RBKS: variants seen among roughly 807,000 people sequenced by gnomAD.
RBKS encodes the protein ribokinase.
RBKS carries 33 observed loss-of-function variants against 33.9 expected under a neutral mutation model. The ratio of observed to expected loss-of-function variants is 0.97; its 90% confidence interval spans 0.74 to 1.30. RBKS has a LOEUF of 1.30. Ranked by LOEUF, RBKS falls within the 50% of genes most tolerant of loss-of-function variation. RBKS has a pLI of 0.00. For synonymous variants in RBKS, 125 were observed against 143.0 expected (o/e 0.87, Z 0.90); for missense variants, 361 against 392.6 (o/e 0.92, Z 0.68).
chr2:27,857,809 G>A (rs1663888227), intron 2 of RBKS, among the ~76,000 whole-genome samples: 1 of 152,186 alleles, frequency 6.6e-6, no homozygotes. Flanking sequence ...GTAGAAATTA[G>A]TATAAAGGAC....
Position 27,842,882 on chromosome 2 carries a change from T to C in RBKS, c.514+185A>G, listed in dbSNP as rs143292973. Among the ~76,000 whole-genome samples, 543 of 152,258 alleles carry C rather than the reference T, an allele frequency of 3.6e-3. 1 individual carries two copies. The highest frequency in any genetic ancestry group is 0.012 in the African/African-American group (516 of 41,552). On this transcript the variant is annotated intron_variant, in intron 5 of 7. Transcript: ENST00000302188. Reference sequence around the variant, plus strand: ...GATATCGGAAATGCTACTCATGTTTTTTTTTTTACCCTGTTTGCAAGGTTT... The same window carrying C: ...GATATCGGAAATGCTACTCATGTTTCTTTTTTTACCCTGTTTGCAAGGTTT...
At chr2:27,877,037 G>C (rs1026106149) in intron 1 of RBKS, among the ~76,000 whole-genome samples, 3 of 152,156 alleles carry the variant, frequency 2.0e-5, no homozygotes, top group African/African-American at 7.2e-5. Flanking sequence ...TAGTACTTGA[G>C]AGCCAAAAGG....
chr2:27,815,607 T>C (rs1229007895), intron 7 of RBKS, among the ~76,000 whole-genome samples: 1 of 152,200 alleles, frequency 6.6e-6, no homozygotes, highest in Admixed American at 6.5e-5. Flanking sequence ...GTTTTGCTCC[T>C]GAGAACACCA....
chr2:27,849,445 C>T (rs1377713228), intron 2 of RBKS, among the ~76,000 whole-genome samples: 2 of 150,824 alleles, frequency 1.3e-5, no homozygotes, highest in Non-Finnish European at 1.5e-5. Flanking sequence ...CGCCTGTAGT[C>T]CCAGTTACTT....
intron 6 of RBKS, among the ~76,000 whole-genome samples, chr2:27,829,048 C>T (rs1678372130): frequency 6.6e-6 from 1 of 152,120 alleles, no homozygotes; most frequent in African/African-American, 2.4e-5. Flanking sequence ...TGCACCACCA[C>T]ACACAGCTAA....
intron 2 of RBKS, among the ~76,000 whole-genome samples, chr2:27,857,175 T>G (rs1213128393): frequency 2.6e-5 from 4 of 152,190 alleles, no homozygotes; most frequent in Non-Finnish European, 5.9e-5. Context: ...AAAAATGACA[T>G]TTCGAGAATT....
chr2:27,830,972 C>A (rs1283095503), intron 6 of RBKS, among the ~76,000 whole-genome samples: 1 of 152,146 alleles, frequency 6.6e-6, no homozygotes, highest in Non-Finnish European at 1.5e-5. Context: ...ACGTAGAGGC[C>A]ATGTTTACAT....
In RBKS at chr2:27,858,479, T is replaced by C. The variant is rs777593052; in HGVS notation, c.182A>G (p.Gln61Arg). The change falls in exon 2 of 8, where the codon CAA (glutamine) becomes CGA (arginine). Residue 61 changes from glutamine to arginine, a missense_variant. By Grantham distance (43) the Gln-to-Arg change is conservative (BLOSUM62 1). Coordinates refer to ENST00000302188, the MANE Select transcript of RBKS (RefSeq NM_022128.3). ...FGGKGANQCVQAARLGAMTSM... is the reference protein window; with the variant it reads ...FGGKGANQCVRAARLGAMTSM... ...CGTCATTGCTCCAAGCCGAGCAGCT[T>C]GGACACACTGGTTGGCACCTTTCCC... 16 of 1,614,134 alleles carry C rather than the reference T, an allele frequency of 9.9e-6. No individual in the cohort carries two copies. Among genetic ancestry groups the C allele is most frequent in the Middle Eastern group, 3.3e-4 (2 of 6,058 alleles).
chr2:27,781,788 C>T lies in RBKS; in HGVS notation c.796G>A (p.Gly266Ser), dbSNP rs1228198082. 35 of 1,607,008 alleles carry T rather than the reference C, an allele frequency of 2.2e-5. No homozygotes were observed. Among genetic ancestry groups the T allele is most frequent in the Non-Finnish European group, 1.7e-6 (2 of 1,176,976 alleles). ...GCTCCCACAAAGCTGTCACCAGCAC[C>T]CTGTAATTGAAAGCACAGTTTTGAA... is the stretch of plus-strand genomic sequence containing the variant. ...TEKVKAVDTT[G>S]AGDSFVGALA... Residue 266 changes from glycine to serine, a missense_variant and splice_region_variant, in exon 8 of 8, where the codon GGT becomes AGT. Gly to Ser is a moderately conservative substitution (Grantham distance 56). Transcript: ENST00000302188.
At chr2:27,870,548 T>G (rs958573542) in intron 1 of RBKS, 3 of 338,196 alleles carry the variant, frequency 8.9e-6, no homozygotes, top group Admixed American at 3.9e-5. Context: ...CTCACAGAGC[T>G]GTGCGAAGAG....
chr2:27,849,762 A>T (rs1415512993), intron 2 of RBKS, among the ~76,000 whole-genome samples: 5 of 151,822 alleles, frequency 3.3e-5, no homozygotes, highest in Admixed American at 3.3e-4. Flanking sequence ...TGTCAGCATG[A>T]GTGTGTATCC....
chr2:27,890,276 A>C lies in RBKS; in HGVS notation c.70T>G (p.Cys24Gly), dbSNP rs537574219. Residue 24 changes from cysteine to glycine, a missense_variant, in exon 1 of 8, where the codon TGC (cysteine) becomes GGC (glycine). Physicochemically the swap from Cys to Gly is radical, Grantham distance 159. Transcript: ENST00000302188. The surrounding 1 kb of genome is among the most constrained non-coding windows in gnomAD (Gnocchi z 4.8). ...ACTAACCTGACCAGGTCGGTCATGC[A>C]GGAGCCCACCACTACCACCGCCGCC... ...EVAAVVVVGS[C>G]MTDLVSLTSR... 6.2e-7 allele frequency: 1 copy of C among 1,613,634 alleles called. No homozygotes were observed. Among genetic ancestry groups the C allele is most frequent in the African/African-American group, 1.3e-5 (1 of 74,962 alleles).
At chr2:27,789,833 G>C (rs941328282) in intron 7 of RBKS, among the ~76,000 whole-genome samples, 2 of 150,390 alleles carry the variant, frequency 1.3e-5, no homozygotes, top group Non-Finnish European at 3.0e-5. Context: ...AAAGTGCTGG[G>C]ATTACAGGCG....
intron 5 of RBKS, among the ~76,000 whole-genome samples, chr2:27,841,826 T>C (rs528519971): frequency 6.6e-6 from 1 of 152,126 alleles, no homozygotes; most frequent in Non-Finnish European, 1.5e-5. Flanking sequence ...TTCTCTATTT[T>C]ATTCTTTAAA....
intron 1 of RBKS, among the ~76,000 whole-genome samples, chr2:27,859,916 C>T (rs1292028472): frequency 6.6e-6 from 1 of 152,140 alleles, no homozygotes; most frequent in African/African-American, 2.4e-5. Flanking sequence ...ATAACTGATG[C>T]TAAGAACACA....
chr2:27,809,528 A>G (rs1378328987), intron 7 of RBKS, among the ~76,000 whole-genome samples: 2 of 152,242 alleles, frequency 1.3e-5, no homozygotes, highest in Non-Finnish European at 2.9e-5. Context: ...GTAAATCGCA[A>G]TTAAAACTAA....
chr2:27,845,276 A>G (rs1407402953), intron 4 of RBKS, among the ~76,000 whole-genome samples: 2 of 152,222 alleles, frequency 1.3e-5, no homozygotes, highest in African/African-American at 2.4e-5. Flanking sequence ...CTCAAATTTA[A>G]CTAGTCAAAA....
intron 6 of RBKS, among the ~76,000 whole-genome samples, chr2:27,831,631 T>C (rs1678415884): frequency 6.6e-6 from 1 of 152,174 alleles, no homozygotes; most frequent in African/African-American, 2.4e-5. Flanking sequence ...AAAGCCTTCA[T>C]ATAGACTTTA....
intron 7 of RBKS, among the ~76,000 whole-genome samples, chr2:27,793,542 T>C (rs1046312656): frequency 2.0e-5 from 3 of 152,198 alleles, no homozygotes; most frequent in African/African-American, 7.2e-5. Flanking sequence ...CAGACCTAAA[T>C]TGACATACAT....
Sources: allele counts gnomAD v4.1 joint callset (sites outside exome capture counted in the v4.1 genomes callset), GRCh38; gene constraint gnomAD v4.1.1; non-coding constraint Gnocchi (gnomAD v3.1); transcripts MANE v1.5; gene names NCBI Gene and HGNC (gene_info 2026-07-23, HGNC 2026-07-21).